DOCK8: variants seen among roughly 807,000 people sequenced by gnomAD.
DOCK8 encodes the protein dedicator of cytokinesis 8.
Under a neutral mutation model 245.6 loss-of-function variants are expected in DOCK8, and 141 were observed. The observed-to-expected ratio is 0.57, with a 90% CI of 0.50 to 0.66. The LOEUF (loss-of-function observed/expected upper bound fraction) is 0.66, where lower values mean the gene tolerates loss of function less well. DOCK8 is among the 30% of genes least tolerant of loss of function. The pLI is 0.00. For missense variants in DOCK8, 2,965 were observed against 2,603.4 expected, an observed-to-expected ratio of 1.14 and a Z score of -3.02; for synonymous variants, 1,168 against 970.2, an observed-to-expected ratio of 1.20 and a Z score of -3.79.
chr9:240,488 C>G (rs866093465), intron 1 of DOCK8, among the ~76,000 whole-genome samples: 2 of 151,852 alleles, frequency 1.3e-5, no homozygotes, highest in Non-Finnish European at 2.9e-5. Context: ...AACTAGCCCT[C>G]TGTAGGCAAT....
intron 5 of DOCK8, among the ~76,000 whole-genome samples, chr9:305,103 A>C (rs187184840): frequency 6.6e-6 from 1 of 152,300 alleles, no homozygotes; most frequent in African/African-American, 2.4e-5. Context: ...AACTTCAAGC[A>C]GGATAATTAA....
chr9:420,522 C>T lies in DOCK8; in HGVS notation c.3962C>T (p.Ser1321Leu). Residue 1321 changes from serine (S) to leucine (L), a missense_variant, in exon 31 of 48, where the codon TCA becomes TTA. Physicochemically the swap from Ser to Leu is moderately radical, Grantham distance 145. Coordinates refer to ENST00000432829, the MANE Select transcript of DOCK8 (RefSeq NM_203447.4). ...AGGAAGTGGATTGCTGACCTGCCAT[C>T]AACGCAGCTCAACAGGATTTTAGAT... The part of the protein sequence containing the change: ...LIRKWIADLP[S>L]TQLNRILDLL... The T allele has an allele frequency of 1.2e-6, 2 of 1,614,182 alleles. No individual in the cohort carries two copies. Among genetic ancestry groups the T allele is most frequent in the Non-Finnish European group, 1.7e-6 (2 of 1,180,036 alleles).
intron 6 of DOCK8, chr9:312,375 TAAC>T (rs1211492095): frequency 1.9e-5 from 13 of 694,762 alleles, no homozygotes; most frequent in East Asian, 2.8e-5. Context: ...CTGATAATAA[TAAC>T]AACTGGAATT....
intron 1 of DOCK8, among the ~76,000 whole-genome samples, chr9:240,412 A>G (rs1563832698): frequency 6.6e-6 from 1 of 151,796 alleles, no homozygotes; most frequent in African/African-American, 2.4e-5. Flanking sequence ...TTTCTGAGTA[A>G]TCTTGGTCCT....
intron 5 of DOCK8, among the ~76,000 whole-genome samples, chr9:306,358 C>T (rs1308033806): frequency 6.6e-6 from 1 of 152,142 alleles, no homozygotes; most frequent in African/African-American, 2.4e-5. Flanking sequence ...ATGCTCTGCT[C>T]TATGGGAGAT....
intron 14 of DOCK8, among the ~76,000 whole-genome samples, chr9:358,150 T>G (rs1212118612): frequency 6.6e-6 from 1 of 152,156 alleles, no homozygotes; most frequent in Non-Finnish European, 1.5e-5. Flanking sequence ...AGTGGCATGA[T>G]CATAGCTCAC....
Position 450,633 on chromosome 9 carries a change from G to A in DOCK8, c.5961+706G>A, listed in dbSNP as rs66837123. On this transcript the variant is annotated intron_variant, in intron 45 of 47. Coordinates refer to ENST00000432829, the MANE Select transcript of DOCK8 (RefSeq NM_203447.4). Reference sequence around the variant, plus strand: ...CATCATGAGTCTTTTCTCATTCAGCGTAATTGGATTTCCCCACAAAAGTTC... The same window carrying A: ...CATCATGAGTCTTTTCTCATTCAGCATAATTGGATTTCCCCACAAAAGTTC... Among the ~76,000 whole-genome samples the A allele has an allele frequency of 5.0e-3, 755 of 152,046 alleles. 7 individuals are homozygous for A. Among genetic ancestry groups the A allele is most frequent in the African/African-American group, 0.016 (644 of 41,470 alleles).
In DOCK8 at chr9:315,137, A is replaced by G. The variant is rs146398341; in HGVS notation, c.742-1906A>G. On this transcript the variant is annotated intron_variant, in intron 6 of 47. Coordinates refer to ENST00000432829, the MANE Select transcript of DOCK8 (RefSeq NM_203447.4). ...GGGAGTACTTCTTGGCTCACCTAAGAAAATCACAGGTAGGCAAATGTGGAG... is the reference window on the plus strand; with the variant it reads ...GGGAGTACTTCTTGGCTCACCTAAGGAAATCACAGGTAGGCAAATGTGGAG... 5.6e-3 allele frequency among the ~76,000 whole-genome samples: 846 copies of G among 152,348 alleles called. 23 individuals are homozygous for G. Among genetic ancestry groups the G allele is most frequent in the Non-Finnish European group, 1.2e-3 (81 of 68,034 alleles).
At chr9:249,834 G>C (rs2047606800) in intron 1 of DOCK8, among the ~76,000 whole-genome samples, 1 of 150,846 alleles carries the variant, frequency 6.6e-6, no homozygotes, top group Non-Finnish European at 1.5e-5. Context: ...CACCATGTTG[G>C]TCAGGTTGGT....
At chr9:441,150 CT>C in intron 40 of DOCK8, 135 bp from the exon 41 acceptor site, 1 of 1,339,118 alleles carries the variant, frequency 7.5e-7, no homozygotes, top group South Asian at 1.2e-5. Context: ...TCAGATACCC[CT>C]TCTTGCCCTG....
At chr9:339,158 C>T (rs139650057) in intron 13 of DOCK8, 59 bp downstream of exon 13, 2 of 1,368,316 alleles carry the variant, frequency 1.5e-6, no homozygotes, top group South Asian at 1.2e-5. Context: ...TCGTTAGACA[C>T]AGTCTTTGTC....
chr9:298,581 A>G (rs1465266485), intron 4 of DOCK8, among the ~76,000 whole-genome samples: 1 of 152,114 alleles, frequency 6.6e-6, no homozygotes, highest in Non-Finnish European at 1.5e-5. Context: ...ACAGAGAGAA[A>G]TAACTTGAGG....
intron 40 of DOCK8, 130 bp downstream of exon 40, chr9:439,518 C>A: frequency 1.6e-6 from 2 of 1,255,450 alleles, no homozygotes; most frequent in Admixed American, 2.1e-5. Context: ...GTGTGCGGGG[C>A]AGGGGATGGG....
chr9:317,237 C>T (rs917908882), intron 7 of DOCK8, 109 bp downstream of exon 7: 20 of 904,126 alleles, frequency 2.2e-5, no homozygotes, highest in African/African-American at 9.9e-5. Flanking sequence ...TCCCAAAATA[C>T]GTCTAACAGT....
At chr9:380,079 A>G in intron 21 of DOCK8, 144 bp downstream of exon 21, 2 of 637,944 alleles carry the variant, frequency 3.1e-6, no homozygotes, top group Non-Finnish European at 5.4e-6. Flanking sequence ...CTGAGATGGC[A>G]GGATCGCTTG....
At position 317,117 on chromosome 9, in the gene DOCK8, G is replaced by A; in HGVS notation, c.816G>A (p.Leu272=). The A allele has an allele frequency of 6.2e-7, 1 of 1,613,054 alleles. No individual in the cohort carries two copies. Among genetic ancestry groups the A allele is most frequent in the East Asian group, 2.2e-5 (1 of 44,866 alleles). ...TGGGCAACAGAATATTGGTCAAGTT[G>A]CTGACCTTGAAGTAAGTATCAACAA... ...EHLGNRILVK[L]LTLKFEIEIE... Residue 272 remains leucine, a synonymous_variant, in exon 7 of 48, where the codon TTG becomes TTA. Coordinates refer to ENST00000432829, the MANE Select transcript of DOCK8 (RefSeq NM_203447.4).
At chr9:227,039 C>T (rs773990205) in intron 1 of DOCK8, among the ~76,000 whole-genome samples, 60 of 152,222 alleles carry the variant, frequency 3.9e-4, no homozygotes, top group Non-Finnish European at 5.9e-4. Context: ...GAAGGACATA[C>T]GCCAATATGT....
intron 43 of DOCK8, among the ~76,000 whole-genome samples, chr9:443,832 A>G (rs1442777439): frequency 6.6e-6 from 1 of 152,166 alleles, no homozygotes; most frequent in African/African-American, 2.4e-5. Flanking sequence ...TTTAGAGATG[A>G]GAAAACTGAG....
At chr9:429,665 C>T (rs764368000) in intron 35 of DOCK8, 37 bp from the exon 36 acceptor site, 1 of 1,613,704 alleles carries the variant, frequency 6.2e-7, no homozygotes, top group Admixed American at 1.7e-5. Context: ...TATCAAACTG[C>T]CAAGTGATGC....
Sources: allele counts gnomAD v4.1 joint callset (sites outside exome capture counted in the v4.1 genomes callset), GRCh38; gene constraint gnomAD v4.1.1; transcripts MANE v1.5; gene names NCBI Gene and HGNC (gene_info 2026-07-23, HGNC 2026-07-21).